Variants in RBM38 observed in about 807,000 individuals in gnomAD.
RBM38 encodes the protein RNA binding motif protein 38.
Under a neutral mutation model 23.5 loss-of-function variants are expected in RBM38, and 11 were observed. The ratio of observed to expected loss-of-function variants is 0.47; its 90% CI spans 0.29 to 0.77. The LOEUF (loss-of-function observed/expected upper bound fraction) is 0.77, where lower values mean the gene tolerates loss of function less well. RBM38 is among the 30% of genes least tolerant of loss of function. The pLI, the probability that RBM38 is intolerant of heterozygous loss-of-function variation, is 0.08. For missense variants in RBM38, 330 were observed against 351.9 expected, an observed-to-expected ratio of 0.94 and a Z score of 0.50; for synonymous variants, 165 against 166.1, an observed-to-expected ratio of 0.99 and a Z score of 0.05.
rs947858647 is a variant in RBM38, at chr20:57,392,853, G to GC, written c.361+83dup. 1.8e-4 allele frequency: 277 copies of GC among 1,557,362 alleles called. 1 individual carries two copies. Among genetic ancestry groups the GC allele is most frequent in the Admixed American group, 5.2e-4 (28 of 53,618 alleles). On this transcript the variant is annotated intron_variant, in intron 2 of 3. Coordinates refer to ENST00000356208, the MANE Select transcript of RBM38 (RefSeq NM_017495.6). ...GTCGGTATCTGTCGGGTGGAAAGAG[G>GC]CCCCCCCTCCTCGCCCCAGCAGTGG... is the stretch of plus-strand genomic sequence containing the variant.
rs1027812821 is a variant in RBM38, at chr20:57,407,439, C to T, written c.417-104C>T. On this transcript the variant is annotated intron_variant, in intron 3 of 3. Coordinates refer to ENST00000356208, the MANE Select transcript of RBM38 (RefSeq NM_017495.6). This position sits in a 1 kb window ranked among gnomAD's most constrained non-coding sequence, Gnocchi z 4.0. Reference sequence around the variant, plus strand: ...TGCCCATCTGACCGATGAGGAAAGTCGGGGCTCGGGGTGGGGGGCGGCACG... The same window carrying T: ...TGCCCATCTGACCGATGAGGAAAGTTGGGGCTCGGGGTGGGGGGCGGCACG... 28 of 1,319,516 alleles carry T rather than the reference C, an allele frequency of 2.1e-5. No homozygotes were observed. The highest frequency in any genetic ancestry group is 2.7e-5 in the Non-Finnish European group (26 of 955,760). 81.7% of individuals were successfully genotyped at this position (1,319,516 alleles called of 1,614,324 possible).
chr20:57,399,211 G>C (rs1371980613), intron 3 of RBM38, among the ~76,000 whole-genome samples: 1 of 152,224 alleles, frequency 6.6e-6, no homozygotes, highest in African/African-American at 2.4e-5. Flanking sequence ...GATGACCCAG[G>C]GAGGCACTGC....
chr20:57,399,539 G>T (rs1219066610), intron 3 of RBM38, among the ~76,000 whole-genome samples: 1 of 152,220 alleles, frequency 6.6e-6, no homozygotes, highest in African/African-American at 2.4e-5. Flanking sequence ...GCTTGGCCCT[G>T]ACTGGGGTGG....
intron 3 of RBM38, among the ~76,000 whole-genome samples, chr20:57,404,437 A>G (rs2067361013): frequency 6.6e-6 from 1 of 152,192 alleles, no homozygotes; most frequent in African/African-American, 2.4e-5. Flanking sequence ...CCTCCTACTA[A>G]GGAATGTTTT....
At chr20:57,405,820 G>A (rs2067377704) in intron 3 of RBM38, among the ~76,000 whole-genome samples, 1 of 151,998 alleles carries the variant, frequency 6.6e-6, no homozygotes, top group Admixed American at 6.5e-5. Flanking sequence ...GGAGCTCGCA[G>A]GGCTCCTCTC....
At position 57,392,669 on chromosome 20, in the gene RBM38, C is replaced by A. The variant is rs2067232495; in HGVS notation, c.253C>A (p.Arg85=). Residue 85 remains arginine (R), a synonymous_variant, in exon 2 of 4, where the codon CGG becomes AGG. Coordinates refer to ENST00000356208, the MANE Select transcript of RBM38 (RefSeq NM_017495.6). ...RGYGFVTMAD[R]AAAERACKDP... The stretch of plus-strand genomic sequence containing the variant: ...GCTCCACCAGGTGACCATGGCCGAC[C>A]GGGCGGCAGCTGAGAGGGCTTGCAA... 1.2e-6 allele frequency: 2 copies of A among 1,612,182 alleles called. No individual in the cohort carries two copies. Among genetic ancestry groups the A allele is most frequent in the Non-Finnish European group, 1.7e-6 (2 of 1,179,626 alleles).
chr20:57,405,616 G>A (rs1267826712), intron 3 of RBM38, among the ~76,000 whole-genome samples: 6 of 152,232 alleles, frequency 3.9e-5, no homozygotes, highest in African/African-American at 1.4e-4. Context: ...TCCCAGATGG[G>A]GTGGGGGGAG....
chr20:57,399,621 T>C (rs994683189), intron 3 of RBM38, among the ~76,000 whole-genome samples: 5 of 152,234 alleles, frequency 3.3e-5, no homozygotes, highest in African/African-American at 1.2e-4. Flanking sequence ...GTGGAGATGC[T>C]GTTCCGGGCC....
intron 3 of RBM38, among the ~76,000 whole-genome samples, chr20:57,406,024 T>G (rs2067380004): frequency 6.6e-6 from 1 of 152,224 alleles, no homozygotes; most frequent in Non-Finnish European, 1.5e-5. Context: ...AGAAGGAAGC[T>G]GAGGTTCCAA....
chr20:57,399,840 C>T (rs1046980809), intron 3 of RBM38: 4 of 455,316 alleles, frequency 8.8e-6, no homozygotes, highest in East Asian at 1.4e-4. Flanking sequence ...CTAAGAGCTG[C>T]GGTCCGTCTC....
intron 3 of RBM38, among the ~76,000 whole-genome samples, chr20:57,400,573 C>G: frequency 6.6e-6 from 1 of 152,180 alleles, no homozygotes; most frequent in Non-Finnish European, 1.5e-5. Context: ...GCAGACACCC[C>G]GGACCCCAGC....
chr20:57,401,054 G>A (rs1217044232), intron 3 of RBM38, among the ~76,000 whole-genome samples: 3 of 152,180 alleles, frequency 2.0e-5, no homozygotes, highest in East Asian at 1.9e-4. Context: ...TGGGTCCCCC[G>A]ACCTTTGGGC....
At chr20:57,393,143 C>CCTG in intron 2 of RBM38, 136 bp from the exon 3 acceptor site, 1 of 867,746 alleles carries the variant, frequency 1.2e-6, no homozygotes, top group South Asian at 1.4e-5. Flanking sequence ...AAGGGGGAGG[C>CCTG]CTGGGAGGGG....
rs1018670679 is a variant in RBM38 at position 57,408,213 on chromosome 20, C to G, written c.*367C>G. On this transcript the variant is annotated 3_prime_UTR_variant, in exon 4 of 4. Coordinates refer to ENST00000356208, the MANE Select transcript of RBM38 (RefSeq NM_017495.6). ...GCATCGTGGCGGGGTGTCACAGACC[C>G]TCTGCAGCCCCTGGCTGCCCTGGAC... The G allele has an allele frequency of 5.4e-6, 2 of 372,548 alleles. No homozygotes were observed. The highest frequency in any genetic ancestry group is 4.1e-5 in the African/African-American group (2 of 48,414). The allele number at this position is 372,548 out of a possible 1,614,324, so 23.1% of individuals were successfully genotyped here.
intron 3 of RBM38, among the ~76,000 whole-genome samples, chr20:57,403,899 C>T (rs2067354586): frequency 6.6e-6 from 1 of 152,224 alleles, no homozygotes; most frequent in African/African-American, 2.4e-5. Flanking sequence ...GGATTACAGG[C>T]GTGAGCCACT....
chr20:57,399,012 T>A (rs1170338071), intron 3 of RBM38, among the ~76,000 whole-genome samples: 1 of 152,176 alleles, frequency 6.6e-6, no homozygotes, highest in African/African-American at 2.4e-5. Context: ...TGGGGATGCC[T>A]GCCATGGGGG....
intron 3 of RBM38, among the ~76,000 whole-genome samples, chr20:57,405,568 T>C (rs2067374458): frequency 6.6e-6 from 1 of 151,706 alleles, no homozygotes; most frequent in Non-Finnish European, 1.5e-5. Context: ...TAAACAGTAG[T>C]AGAGAGGGTG....
chr20:57,404,428 C>T (rs1244071138), intron 3 of RBM38, among the ~76,000 whole-genome samples: 1 of 151,538 alleles, frequency 6.6e-6, no homozygotes, highest in Non-Finnish European at 1.5e-5. Flanking sequence ...CTTCCATAGC[C>T]TCCTACTAAG....
chr20:57,399,838 T>TG (rs1412400206), intron 3 of RBM38: 3 of 455,370 alleles, frequency 6.6e-6, no homozygotes, highest in African/African-American at 6.0e-5. Context: ...CCCTAAGAGC[T>TG]GCGGTCCGTC....
Sources: gnomAD v4.1 joint callset for allele counts (sites outside exome capture counted in the v4.1 genomes callset) on GRCh38, gnomAD v4.1.1 for gene constraint, Gnocchi (gnomAD v3.1) non-coding constraint, MANE v1.5 for transcripts, NCBI Gene and HGNC (gene_info 2026-07-23, HGNC 2026-07-21) for gene names.